The following PKD1L1 variants were observed in gnomAD, a reference collection of about 807,000 sequenced individuals.
PKD1L1 encodes the protein polycystin 1 like 1, transient receptor potential channel interacting, also known as polycystin-1-like protein 1.
In PKD1L1, 236 loss-of-function variants were observed where a neutral mutation model predicts 323.4. That is an observed-to-expected ratio of 0.73 (90% CI 0.66 to 0.81). The LOEUF (loss-of-function observed/expected upper bound fraction) is 0.81. Ranked by LOEUF, PKD1L1 falls within the 40% of genes least tolerant of loss-of-function variation. The pLI is 0.00. For missense variants in PKD1L1, 3,320 were observed against 3,508.0 expected (o/e 0.95, Z 1.35); for synonymous variants, 1,344 against 1,335.0 (o/e 1.01, Z -0.15).
At chr7:47,816,079 G>A (rs372558006) in intron 46 of PKD1L1, among the ~76,000 whole-genome samples, 51 of 152,276 alleles carry the variant, frequency 3.3e-4, no homozygotes, top group African/African-American at 1.2e-3. Context: ...AGGGAGCGCC[G>A]GGGCTAGGGT....
At chr7:47,950,511 A>G (rs1490881657), upstream of PKD1L1, among the ~76,000 whole-genome samples, 3 of 152,108 alleles carry the variant, frequency 2.0e-5, no homozygotes, top group African/African-American at 7.2e-5. Flanking sequence ...AATTAAATAG[A>G]ATTAAGAATT....
rs763766983 is a variant in PKD1L1, at chr7:47,884,649, C to T, written c.3214G>A (p.Ala1072Thr). ...GCTTCTTGAATGTCACTGTAATAGGCTTCAAAATCTATAAGAAAGGACAAA... is the reference window on the plus strand; with the variant it reads ...GCTTCTTGAATGTCACTGTAATAGGTTTCAAAATCTATAAGAAAGGACAAA... Reference protein sequence around the residue: ...SPDPHLSDFEAYYSDIQEAIP... With the variant: ...SPDPHLSDFETYYSDIQEAIP... The change falls in exon 19 of 57, where the codon GCC becomes ACC. Residue 1072 changes from alanine (A) to threonine (T), a missense_variant. By Grantham distance (58) the Ala-to-Thr change is moderately conservative. Coordinates refer to ENST00000289672, the MANE Select transcript of PKD1L1 (RefSeq NM_138295.5). The T allele has an allele frequency of 1.9e-6, 3 of 1,613,270 alleles. No homozygotes were observed. Among genetic ancestry groups the T allele is most frequent in the South Asian group, 1.1e-5 (1 of 91,064 alleles).
chr7:47,839,829 G>A lies in PKD1L1; in HGVS notation c.5553-167C>T, dbSNP rs527762042. Among the ~76,000 whole-genome samples the A allele has an allele frequency of 6.6e-5, 10 of 152,270 alleles. No individual in the cohort carries two copies. The highest frequency in any genetic ancestry group is 4.2e-4 in the South Asian group (2 of 4,816). On this transcript the variant is annotated intron_variant, in intron 35 of 56. Coordinates refer to ENST00000289672, the MANE Select transcript of PKD1L1 (RefSeq NM_138295.5). This position sits in a 1 kb window ranked among gnomAD's most constrained non-coding sequence, Gnocchi z 4.3. Reference sequence around the variant, plus strand: ...TGACATGTGAAGCCCCCTGGAACCCGGCCAGAGGATGGGAAATCCCACCGA... The same window carrying A: ...TGACATGTGAAGCCCCCTGGAACCCAGCCAGAGGATGGGAAATCCCACCGA...
chr7:47,822,902 A>G lies in PKD1L1; in HGVS notation c.6855-1716T>C, dbSNP rs1193818435. On this transcript the variant is annotated intron_variant, in intron 45 of 56. Coordinates refer to ENST00000289672, the MANE Select transcript of PKD1L1 (RefSeq NM_138295.5). ...ATAGGAATATAATTTACTTTTTTAT[A>G]TTGACTTGTGTCTTGCAAACTTGCT... Among the ~76,000 whole-genome samples, 4 of 150,436 alleles carry G rather than the reference A, an allele frequency of 2.7e-5. No homozygotes were observed. The East Asian group carries it at 7.7e-4, about 29-fold the overall frequency.
chr7:47,838,383 C>G (rs1166862976), intron 36 of PKD1L1, among the ~76,000 whole-genome samples: 1 of 152,132 alleles, frequency 6.6e-6, no homozygotes, highest in Non-Finnish European at 1.5e-5. Flanking sequence ...TGTTTGAGAC[C>G]CAGCTTCAGG....
At chr7:47,894,576 C>T (rs928959757) in intron 14 of PKD1L1, among the ~76,000 whole-genome samples, 77 of 152,170 alleles carry the variant, frequency 5.1e-4, no homozygotes, top group African/African-American at 1.7e-3. Context: ...TGCGGCCAGG[C>T]GCGGTGGTTC....
chr7:47,856,161 C>A (rs934084794), intron 28 of PKD1L1, among the ~76,000 whole-genome samples: 2 of 151,978 alleles, frequency 1.3e-5, no homozygotes, highest in African/African-American at 2.4e-5. Flanking sequence ...CCTCAGCCTC[C>A]CGAGTAGCTG....
intron 13 of PKD1L1, among the ~76,000 whole-genome samples, chr7:47,901,683 C>T (rs1346540229): frequency 6.6e-6 from 1 of 152,226 alleles, no homozygotes; most frequent in Non-Finnish European, 1.5e-5. Context: ...TTCCGGATTG[C>T]CCCGGGCACT....
At chr7:47,925,763 A>T (rs1184805144) in intron 7 of PKD1L1, among the ~76,000 whole-genome samples, 1 of 152,206 alleles carries the variant, frequency 6.6e-6, no homozygotes, top group Non-Finnish European at 1.5e-5. Flanking sequence ...CCTGAAAGAA[A>T]TCAAAGTATT....
intron 53 of PKD1L1, 138 bp from the exon 54 acceptor site, chr7:47,801,017 T>C (rs1562935911): frequency 1.3e-6 from 1 of 771,174 alleles, no homozygotes; most frequent in Non-Finnish European, 2.1e-6. Flanking sequence ...TCATCCCTGG[T>C]TTTGAACCCA....
intron 3 of PKD1L1, among the ~76,000 whole-genome samples, chr7:47,938,346 C>T (rs1787911377): frequency 6.6e-6 from 1 of 152,096 alleles, no homozygotes; most frequent in South Asian, 2.1e-4. Flanking sequence ...TGGCACCTGC[C>T]CCTCTTCTGT....
At chr7:47,836,832 A>T (rs1785466504) in intron 37 of PKD1L1, 89 bp downstream of exon 37, 2 of 1,433,884 alleles carry the variant, frequency 1.4e-6, no homozygotes, top group Non-Finnish European at 1.9e-6. Context: ...TTCTCGGAGA[A>T]CTGTGAGCTT....
chr7:47,857,629 A>G lies in PKD1L1; in HGVS notation c.4566T>C (p.Tyr1522=), dbSNP rs570717436. ...SQLILFKKNP[Y]PGSQAPGQIG... is the part of the protein sequence containing the mutation. ...CCTGCCCAGGAGCTTGGCTCCCTGG[A>G]TATGGGTTCTTCTTGAAGAGTATGA... Residue 1522 remains tyrosine (Y), a synonymous_variant, in exon 28 of 57, where the codon TAT becomes TAC. Transcript: ENST00000289672. The G allele has an allele frequency of 9.3e-6, 15 of 1,614,184 alleles. No homozygotes were observed. In the South Asian group the frequency reaches 1.6e-4, roughly 18 times the overall value.
rs1341592781 is a variant in PKD1L1, at chr7:47,837,616, G to GGA, written c.5770-523_5770-522insTC. 3.3e-5 allele frequency among the ~76,000 whole-genome samples: 5 copies of GGA among 152,156 alleles called. No individual in the cohort carries two copies. The East Asian group carries it at 9.7e-4, about 29-fold the overall frequency. ...ACTTTCAAAAACCCCTCCACTCTCA[G>GGA]AACTTTCCCTGGCAACATAGTTAAT... On this transcript the variant is annotated intron_variant, in intron 36 of 56. Coordinates refer to ENST00000289672, the MANE Select transcript of PKD1L1 (RefSeq NM_138295.5).
At position 47,886,016 on chromosome 7, in the gene PKD1L1, C is replaced by T; in HGVS notation, c.2875G>A (p.Gly959Arg). 6.2e-7 allele frequency: 1 copy of T among 1,614,064 alleles called. No homozygotes were observed. Among genetic ancestry groups the T allele is most frequent in the South Asian group, 1.1e-5 (1 of 91,066 alleles). The stretch of plus-strand genomic sequence containing the variant: ...GATGACTCTGAAATGGCACCGAGTC[C>T]CAGCGAGCCAAGCAGCCCCACTACT... ...CRVVGLLGSL[G>R]LGAISESSQL... Residue 959 changes from glycine (G) to arginine (R), a missense_variant, in exon 18 of 57, where the codon GGA (glycine) becomes AGA (arginine). Coordinates refer to ENST00000289672, the MANE Select transcript of PKD1L1 (RefSeq NM_138295.5).
At chr7:47,859,592 C>T (rs1477182814) in intron 26 of PKD1L1, among the ~76,000 whole-genome samples, 2 of 151,760 alleles carry the variant, frequency 1.3e-5, no homozygotes, top group South Asian at 2.1e-4. Context: ...GATTCTCCCA[C>T]CTCAGCCTCC....
At chr7:47,960,219 G>T in the PKD1L1 span, among the ~76,000 whole-genome samples, 1 of 149,496 alleles carries the variant, frequency 6.7e-6, no homozygotes, top group Non-Finnish European at 1.5e-5. Flanking sequence ...AGTACCCAGG[G>T]ACACAAACAC....
Position 47,775,040 on chromosome 7 carries a change from C to T in PKD1L1, c.*103G>A. The T allele has an allele frequency of 8.0e-7, 1 of 1,249,134 alleles. No individual in the cohort carries two copies. The highest frequency in any genetic ancestry group is 1.3e-5 in the South Asian group (1 of 76,974). The allele number at this position is 1,249,134 out of a possible 1,614,324, so 77.4% of individuals were successfully genotyped here. Reference sequence around the variant, plus strand: ...AAAAATTAACAAAACTTCTTCGTACCTCAGCTCTTCTCACCTGCAAAACTA... The same window carrying T: ...AAAAATTAACAAAACTTCTTCGTACTTCAGCTCTTCTCACCTGCAAAACTA... On this transcript the variant is annotated 3_prime_UTR_variant, in exon 57 of 57. Transcript: ENST00000289672.
chr7:47,845,832 C>T (rs1381203245), intron 32 of PKD1L1, among the ~76,000 whole-genome samples: 1 of 152,200 alleles, frequency 6.6e-6, no homozygotes, highest in Non-Finnish European at 1.5e-5. Context: ...CCACCTGTCT[C>T]AGCCTCCCAA....
Sources: gnomAD v4.1 joint callset for allele counts (sites outside exome capture counted in the v4.1 genomes callset) on GRCh38, gnomAD v4.1.1 for gene constraint, Gnocchi (gnomAD v3.1) non-coding constraint, MANE v1.5 for transcripts, NCBI Gene and HGNC (gene_info 2026-07-23, HGNC 2026-07-21) for gene names.